Variants in JADE3 observed in about 807,000 individuals in gnomAD.
JADE3 encodes the protein protein Jade-3.
In JADE3, 2 loss-of-function variants were observed where a neutral mutation model predicts 50.1. The observed-to-expected ratio is 0.04, with a 90% CI of 0.02 to 0.13. JADE3 has a LOEUF of 0.13. Among genes scored for constraint, JADE3 ranks in the 10% least tolerant of loss-of-function variants. JADE3 has a pLI of 1.00. For missense variants in JADE3, 475 were observed against 634.4 expected (o/e 0.75, Z 2.70); for synonymous variants, 218 against 232.9 (o/e 0.94, Z 0.58).
At chrX:47,030,822 C>T (rs782388371) in intron 6 of JADE3, among the ~76,000 whole-genome samples, 6 of 111,030 alleles carry the variant, frequency 5.4e-5, no homozygotes, top group Admixed American at 9.5e-5. Context: ...GAGGCCGAGG[C>T]GGGTGGATCA....
intron 1 of JADE3, among the ~76,000 whole-genome samples, chrX:46,966,330 T>G (rs1927367413): frequency 9.0e-6 from 1 of 111,714 alleles, no homozygotes; most frequent in Non-Finnish European, 1.9e-5. Flanking sequence ...TCTTTCCTAT[T>G]CTTTCTTCCT....
chrX:46,923,393 C>CTCTTTTTTTTTTTTT (rs1556338199), intron 1 of JADE3, among the ~76,000 whole-genome samples: 5 of 11,522 alleles, frequency 4.3e-4, no homozygotes, highest in East Asian at 7.2e-3. Flanking sequence ...CTCTCTCTCT[C>CTCTTTTTTTTTTTTT]TTTTTTTTTT....
At chrX:47,051,079 C>T (rs781820727) in intron 8 of JADE3, among the ~76,000 whole-genome samples, 37 of 109,563 alleles carry the variant, frequency 3.4e-4, no homozygotes, top group African/African-American at 9.6e-4. Context: ...TGGAAGAATT[C>T]AGTAAGTGGC....
chrX:46,921,068 C>T (rs1189301470), intron 1 of JADE3, among the ~76,000 whole-genome samples: 1 of 111,401 alleles, frequency 9.0e-6, no homozygotes, highest in Non-Finnish European at 1.9e-5. Flanking sequence ...GCATGAGCCA[C>T]CACGTCTGGC....
chrX:46,959,684 A>G (rs781980263), intron 1 of JADE3, among the ~76,000 whole-genome samples: 8 of 110,634 alleles, frequency 7.2e-5, no homozygotes, highest in African/African-American at 2.3e-4. Context: ...CATGTGAAGT[A>G]GGATAGGGTG....
chrX:46,949,690 T>G (rs1602381109), intron 1 of JADE3, among the ~76,000 whole-genome samples: 1 of 111,933 alleles, frequency 8.9e-6, no homozygotes, highest in South Asian at 3.7e-4. Flanking sequence ...AAAACATTTC[T>G]ATGTCCCTGA....
At chrX:46,925,305 G>A (rs1190985932) in intron 1 of JADE3, among the ~76,000 whole-genome samples, 1 of 111,892 alleles carries the variant, frequency 8.9e-6, no homozygotes, top group African/African-American at 3.3e-5. Context: ...TAATAACTTA[G>A]TAAATACTTT....
chrX:46,915,716 C>G (rs1926067766), intron 1 of JADE3, among the ~76,000 whole-genome samples: 1 of 109,039 alleles, frequency 9.2e-6, no homozygotes, highest in Non-Finnish European at 1.9e-5. Flanking sequence ...CAACAAAATT[C>G]TTACCATTAG....
intron 4 of JADE3, among the ~76,000 whole-genome samples, chrX:47,024,251 A>C (rs184867258): frequency 8.9e-4 from 100 of 112,274 alleles, no homozygotes; most frequent in African/African-American, 3.2e-3. Context: ...TAGGAGGCCA[A>C]GTTAGAAGGA....
intron 3 of JADE3, among the ~76,000 whole-genome samples, chrX:46,987,292 A>G (rs782086370): frequency 1.8e-5 from 2 of 112,575 alleles, no homozygotes; most frequent in South Asian, 7.3e-4. Context: ...GCCAGCAAGG[A>G]GAGTCTTTCC....
chrX:46,914,601 A>G (rs1460085288), intron 1 of JADE3, among the ~76,000 whole-genome samples: 1 of 112,001 alleles, frequency 8.9e-6, no homozygotes, highest in Non-Finnish European at 1.9e-5. Context: ...GTTAGCCACC[A>G]TCTTTGCCAC....
chrX:46,945,457 C>T (rs891158660), intron 1 of JADE3, among the ~76,000 whole-genome samples: 1 of 111,212 alleles, frequency 9.0e-6, no homozygotes, highest in Admixed American at 9.6e-5. Context: ...ATTTCAACCT[C>T]TGGAAGCTTC....
chrX:46,924,312 A>C (rs1926308289), intron 1 of JADE3, among the ~76,000 whole-genome samples: 1 of 112,110 alleles, frequency 8.9e-6, no homozygotes, highest in Non-Finnish European at 1.9e-5. Context: ...TCTGGTCTCC[A>C]GTAATTTGTC....
At chrX:46,975,714 C>CTTTTTTTT (rs782578317) in intron 1 of JADE3, among the ~76,000 whole-genome samples, 63 of 40,500 alleles carry the variant, frequency 1.6e-3, no homozygotes, top group East Asian at 2.9e-3. Context: ...TTTTCTTTTT[C>CTTTTTTTT]TTTTTTTTTT....
intron 10 of JADE3, among the ~76,000 whole-genome samples, chrX:47,057,222 G>GGTT (rs782587831): frequency 9.0e-6 from 1 of 111,267 alleles, no homozygotes; most frequent in Non-Finnish European, 1.9e-5. Flanking sequence ...CAGAGATGGG[G>GGTT]GTTGTGGGTG....
At chrX:46,928,512 T>C (rs1283424835) in intron 1 of JADE3, among the ~76,000 whole-genome samples, 2 of 112,072 alleles carry the variant, frequency 1.8e-5, no homozygotes, top group African/African-American at 6.5e-5. Flanking sequence ...CTGCCTCTTA[T>C]TCAATTAACA....
chrX:46,989,974 T>G (rs1181992591), intron 3 of JADE3, among the ~76,000 whole-genome samples: 1 of 111,184 alleles, frequency 9.0e-6, no homozygotes, highest in Non-Finnish European at 1.9e-5. Context: ...CATTCATTAG[T>G]TGAGCCTATC....
Position 46,999,620 on chromosome X carries a change from T to C in JADE3, c.284+1343T>C, listed in dbSNP as rs1928235003. On this transcript the variant is annotated intron_variant, in intron 4 of 10. Coordinates refer to ENST00000614628, the MANE Select transcript of JADE3 (RefSeq NM_014735.5). ...AAATAAAAGGGGATTACTGAATGATTGAGTTGACTCTAAGCACATGGCCTT... is the reference window on the plus strand; with the variant it reads ...AAATAAAAGGGGATTACTGAATGATCGAGTTGACTCTAAGCACATGGCCTT... 2.7e-5 allele frequency among the ~76,000 whole-genome samples: 3 copies of C among 109,213 alleles called. No individual in the cohort carries two copies. In the Admixed American group the frequency reaches 3.0e-4, roughly 11 times the overall value. The allele number at this position is 109,213 out of a possible 115,157, so 94.8% of individuals were successfully genotyped here. A position where few individuals can be genotyped will look rare whatever the true frequency, so the allele number is the denominator to read the frequency against.
intron 1 of JADE3, among the ~76,000 whole-genome samples, chrX:46,980,079 C>G (rs1172544408): frequency 1.8e-5 from 2 of 108,518 alleles, no homozygotes; most frequent in African/African-American, 3.4e-5. Context: ...GGGGTTTCAC[C>G]ATGTTGGCCA....
Sources: gnomAD v4.1 joint callset for allele counts (sites outside exome capture counted in the v4.1 genomes callset) on GRCh38, gnomAD v4.1.1 for gene constraint, MANE v1.5 for transcripts, NCBI Gene and HGNC (gene_info 2026-07-23, HGNC 2026-07-21) for gene names.